LRCH1: variants seen among roughly 807,000 people sequenced by gnomAD.
The protein encoded by LRCH1 is leucine rich repeats and calponin homology domain containing 1, also known as leucine-rich repeat and calponin homology domain-containing protein 1.
In LRCH1, 23 loss-of-function variants were observed where a neutral mutation model predicts 94.9. That is an observed-to-expected ratio of 0.24 (90% CI 0.17 to 0.34). LRCH1 has a LOEUF of 0.34. LRCH1 is among the 10% of genes least tolerant of loss of function. LRCH1 has a pLI of 1.00. For synonymous variants in LRCH1, 364 were observed against 354.9 expected (o/e 1.03, Z -0.29); for missense variants, 790 against 945.9 (o/e 0.84, Z 2.16).
intron 1 of LRCH1, among the ~76,000 whole-genome samples, chr13:46,571,877 T>C (rs1471616187): frequency 1.3e-5 from 2 of 151,662 alleles, no homozygotes; most frequent in Admixed American, 1.3e-4. Context: ...GGGGTATGTG[T>C]GTGTGAGAGA....
At position 46,617,684 on chromosome 13, in the gene LRCH1, C is replaced by A. The variant is rs114461841; in HGVS notation, c.308-32517C>A. On this transcript the variant is annotated intron_variant, in intron 1 of 19. Coordinates refer to ENST00000389797, the MANE Select transcript of LRCH1 (RefSeq NM_001164211.2). ...TGTCTTTGAAAGATACAGATCCAAT[C>A]TCTGTGTAGCAGTTAAGTGATCTGA... Among the ~76,000 whole-genome samples, 584 of 152,310 alleles carry A rather than the reference C, an allele frequency of 3.8e-3. 5 individuals are homozygous for A. The highest frequency in any genetic ancestry group is 0.012 in the African/African-American group (480 of 41,558).
chr13:46,558,182 T>TA (rs766006439), intron 1 of LRCH1, among the ~76,000 whole-genome samples: 3 of 152,024 alleles, frequency 2.0e-5, no homozygotes, highest in Non-Finnish European at 4.4e-5. Flanking sequence ...TATAAGACAA[T>TA]ACAGGAATAC....
chr13:46,715,991 G>C (rs9590986), intron 16 of LRCH1, among the ~76,000 whole-genome samples: 3,046 of 151,868 alleles, frequency 0.02, 81 homozygotes, highest in East Asian at 0.085. Flanking sequence ...ATTTATCTCC[G>C]CTTGTTCCTG....
At chr13:46,607,291 A>G (rs1236159809) in intron 1 of LRCH1, among the ~76,000 whole-genome samples, 1 of 152,220 alleles carries the variant, frequency 6.6e-6, no homozygotes, top group Non-Finnish European at 1.5e-5. Flanking sequence ...GCTGCCATTC[A>G]TTTTGTGGTG....
intron 1 of LRCH1, among the ~76,000 whole-genome samples, chr13:46,558,138 T>C (rs2050086938): frequency 6.6e-6 from 1 of 152,142 alleles, no homozygotes; most frequent in African/African-American, 2.4e-5. Flanking sequence ...TACCCATTTA[T>C]GTGTGAGGGA....
At chr13:46,619,402 G>A (rs149279233) in intron 1 of LRCH1, among the ~76,000 whole-genome samples, 5 of 152,242 alleles carry the variant, frequency 3.3e-5, no homozygotes, top group East Asian at 3.9e-4. Flanking sequence ...GACCCACCAC[G>A]CCTGGCCTAA....
chr13:46,573,859 TATATATA>T (rs1413545564), intron 1 of LRCH1, among the ~76,000 whole-genome samples: 1,864 of 77,638 alleles, frequency 0.024, 78 homozygotes, highest in Middle Eastern at 0.043. Flanking sequence ...TATATATATA[TATATATA>T]TTTTTTTTTT....
intron 16 of LRCH1, among the ~76,000 whole-genome samples, chr13:46,721,788 T>G (rs1872592281): frequency 6.6e-6 from 1 of 152,198 alleles, no homozygotes; most frequent in South Asian, 2.1e-4. Context: ...TTGCGTACCT[T>G]AAATCATCCT....
intron 1 of LRCH1, among the ~76,000 whole-genome samples, chr13:46,638,664 C>T (rs1046526492): frequency 3.9e-5 from 6 of 152,184 alleles, no homozygotes; most frequent in African/African-American, 1.4e-4. Context: ...CCCAAATTAG[C>T]AAGTCTGTTA....
intron 1 of LRCH1, among the ~76,000 whole-genome samples, chr13:46,592,840 TA>T (rs2050515615): frequency 6.6e-6 from 1 of 152,196 alleles, no homozygotes; most frequent in Non-Finnish European, 1.5e-5. Context: ...TTTAGACTGA[TA>T]GATCCCTTCA....
At chr13:46,619,859 A>G (rs1490096591) in intron 1 of LRCH1, among the ~76,000 whole-genome samples, 8 of 152,200 alleles carry the variant, frequency 5.3e-5, no homozygotes, top group African/African-American at 1.7e-4. Context: ...CCTCAATTCT[A>G]TACCCACGTT....
At chr13:46,567,127 C>G (rs915496034) in intron 1 of LRCH1, among the ~76,000 whole-genome samples, 1 of 152,158 alleles carries the variant, frequency 6.6e-6, no homozygotes, top group South Asian at 2.1e-4. Context: ...TTTACTTTCC[C>G]TCCAGTGAGA....
downstream of LRCH1, among the ~76,000 whole-genome samples, chr13:46,747,836 C>A (rs1873973691): frequency 6.6e-6 from 1 of 151,938 alleles, no homozygotes; most frequent in African/African-American, 2.4e-5. Context: ...TTCCTGGGCT[C>A]AAATGATCCT....
chr13:46,688,488 C>G (rs1870735044), intron 6 of LRCH1, among the ~76,000 whole-genome samples: 1 of 152,206 alleles, frequency 6.6e-6, no homozygotes, highest in Non-Finnish European at 1.5e-5. Flanking sequence ...AACCCTTTCA[C>G]ACATCCTAGA....
Position 46,553,235 on chromosome 13 carries a change from C to CCCCCCCCCAAAAAA in LRCH1, c.-162_-161insCCCCCCCCAAAAAA. ...GAGCTGCCACGGCCGCCTCCCCGCC[C>CCCCCCCCCAAAAAA]GCCCCCCATTCTACGCGCCTGCCCA... On this transcript the variant is annotated 5_prime_UTR_variant, in exon 1 of 20. Transcript: ENST00000389797. The CCCCCCCCCAAAAAA allele has an allele frequency of 5.9e-6, 3 of 504,910 alleles. No homozygotes were observed. Among genetic ancestry groups the CCCCCCCCCAAAAAA allele is most frequent in the East Asian group, 4.0e-5 (1 of 25,138 alleles). The allele number at this position is 504,910 out of a possible 1,614,324, so 31.3% of individuals were successfully genotyped here. A position where few individuals can be genotyped will look rare whatever the true frequency, so the allele number is the denominator to read the frequency against.
intron 2 of LRCH1, among the ~76,000 whole-genome samples, chr13:46,652,431 AG>A (rs1276831723): frequency 2.7e-5 from 4 of 149,932 alleles, no homozygotes; most frequent in Non-Finnish European, 5.9e-5. Context: ...AAATCCTAGC[AG>A]GTTTTTAAGT....
At chr13:46,621,799 A>G (rs1362644445) in intron 1 of LRCH1, among the ~76,000 whole-genome samples, 1 of 152,152 alleles carries the variant, frequency 6.6e-6, no homozygotes, top group African/African-American at 2.4e-5. Context: ...TTTTAAGACA[A>G]TTGTTATTTT....
intron 1 of LRCH1, among the ~76,000 whole-genome samples, chr13:46,610,437 T>C (rs2050735122): frequency 6.6e-6 from 1 of 152,052 alleles, no homozygotes; most frequent in African/African-American, 2.4e-5. Flanking sequence ...TGTAATATTT[T>C]ATTAAGTTAT....
chr13:46,566,085 A>G (rs190292024), intron 1 of LRCH1, among the ~76,000 whole-genome samples: 22 of 152,132 alleles, frequency 1.4e-4, no homozygotes, highest in Admixed American at 3.3e-4. Context: ...TTCAGTCTCT[A>G]CGGAAGTCTT....
Sources: gnomAD v4.1 joint callset for allele counts (sites outside exome capture counted in the v4.1 genomes callset) on GRCh38, gnomAD v4.1.1 for gene constraint, MANE v1.5 for transcripts, NCBI Gene and HGNC (gene_info 2026-07-23, HGNC 2026-07-21) for gene names.